LRP2: variants seen among roughly 807,000 people sequenced by gnomAD.
LRP2 encodes low-density lipoprotein receptor-related protein 2.
Under a neutral mutation model 531.0 loss-of-function variants are expected in LRP2, and 172 were observed. That is an observed-to-expected ratio of 0.32 (90% confidence interval 0.29 to 0.37). LRP2 has a LOEUF of 0.37. Among genes scored for constraint, LRP2 ranks in the 10% least tolerant of loss-of-function variants. The pLI, the probability that LRP2 is intolerant of heterozygous loss-of-function variation, is 1.00. For missense variants in LRP2, 5,167 were observed against 5,868.3 expected (o/e 0.88, Z 3.90); for synonymous variants, 1,992 against 2,027.6 (o/e 0.98, Z 0.47).
chr2:169,313,038 T>G (rs1684659544), intron 3 of LRP2, among the ~76,000 whole-genome samples: 1 of 152,226 alleles, frequency 6.6e-6, no homozygotes, highest in Admixed American at 6.5e-5. Context: ...TCTCATGCCA[T>G]GGTTTTCAGC....
In LRP2 at chr2:169,361,358, C is replaced by CTG. The variant is rs762734016; in HGVS notation, c.79+962_79+963insCA. On this transcript the variant is annotated intron_variant, in intron 1 of 78. Coordinates refer to ENST00000649046, the MANE Select transcript of LRP2 (RefSeq NM_004525.3). ...TCTCTCTGTCTCTCTCTGTCTCTCT[C>CTG]TCTCTCTCTCTCTCTCTCCCTCTCT... Among the ~76,000 whole-genome samples the CTG allele has an allele frequency of 3.2e-3, 411 of 127,442 alleles. 2 individuals are homozygous for CTG. The highest frequency in any genetic ancestry group is 0.022 in the Middle Eastern group (6 of 274). 83.6% of individuals were successfully genotyped at this position (127,442 alleles called of 152,430 possible).
intron 1 of LRP2, among the ~76,000 whole-genome samples, chr2:169,338,388 G>GAAAGAAAGAAAGAA (rs1559082644): frequency 8.2e-6 from 1 of 122,112 alleles, no homozygotes; most frequent in African/African-American, 3.2e-5. Flanking sequence ...AAGAAAGAAA[G>GAAAGAAAGAAAGAA]AAAGAAAGAA....
Position 169,212,130 on chromosome 2 carries a change from ATCC to A in LRP2, c.6115_6117del (p.Gly2039del). 1 of 1,614,054 alleles carries A rather than the reference ATCC, an allele frequency of 6.2e-7. No homozygotes were observed. Among genetic ancestry groups the A allele is most frequent in the African/African-American group, 1.3e-5 (1 of 75,042 alleles). ...CCAGTGGCACAGGCGCAGGAAAACA[ATCC>A]TCCTGGTACAGGCAGGCAAATCTGC... On this transcript the variant is annotated inframe_deletion, in exon 37 of 79. Transcript: ENST00000649046.
rs111708117 is a variant in LRP2 at position 169,292,354 on chromosome 2, C to T, written c.668G>A (p.Gly223Asp). ...ACTGGGGCAAGTGAACTGGTAACCA[C>T]CGCAGGTCGGATAGTCTGGAATAAA... ...DEHACNYPTC[G>D]GYQFTCPSGR... The change falls in exon 7 of 79, where the codon GGT (glycine) becomes GAT (aspartate). Residue 223 changes from glycine (G) to aspartate (D), a missense_variant. Gly to Asp is a moderately conservative substitution (Grantham distance 94). Transcript: ENST00000649046. The T allele has an allele frequency of 2.5e-6, 4 of 1,613,218 alleles. No individual in the cohort carries two copies. The South Asian group carries it at 3.3e-5, about 13-fold the overall frequency.
At position 169,152,915 on chromosome 2, in the gene LRP2, G is replaced by A. The variant is rs750159019; in HGVS notation, c.12345C>T (p.Ile4115=). Residue 4115 remains isoleucine (I), a synonymous_variant, in exon 67 of 79, where the codon ATC becomes ATT. Coordinates refer to ENST00000649046, the MANE Select transcript of LRP2 (RefSeq NM_004525.3). ...VRGEGSRFGA[I]KRAYIPNFES... is the part of the protein sequence containing the mutation. ...CAAAGTTGGGGATGTAGGCACGTTT[G>A]ATAGCACCAAACCTAGAGCCCTCCC... 5 of 1,613,938 alleles carry A rather than the reference G, an allele frequency of 3.1e-6. No individual in the cohort carries two copies. The East Asian group carries it at 8.9e-5, about 29-fold the overall frequency.
chr2:169,167,899 G>C (rs1686840934), intron 61 of LRP2, among the ~76,000 whole-genome samples: 1 of 151,122 alleles, frequency 6.6e-6, no homozygotes, highest in African/African-American at 2.4e-5. Flanking sequence ...CATTCTTGGA[G>C]ATTCTGCTCC....
chr2:169,284,263 T>TTC (rs1489029376), intron 9 of LRP2, among the ~76,000 whole-genome samples: 2 of 124,096 alleles, frequency 1.6e-5, no homozygotes, highest in Non-Finnish European at 1.7e-5. Flanking sequence ...TTTCTTTTTT[T>TTC]TTTTTTTTTT....
At chr2:169,345,751 G>T (rs1255176731) in intron 1 of LRP2, among the ~76,000 whole-genome samples, 3 of 117,770 alleles carry the variant, frequency 2.5e-5, no homozygotes, top group Non-Finnish European at 5.1e-5. Context: ...AAGAGGGGGC[G>T]GTCAAAAAAA....
Position 169,238,266 on chromosome 2 carries a change from T to A in LRP2, c.4331A>T (p.Asn1444Ile), listed in dbSNP as rs572411860. 2.5e-6 allele frequency: 4 copies of A among 1,614,170 alleles called. No individual in the cohort carries two copies. The East Asian group carries it at 8.9e-5, about 36-fold the overall frequency. The change falls in exon 27 of 79, where the codon AAC becomes ATC. Residue 1444 changes from asparagine (N) to isoleucine (I), a missense_variant. By Grantham distance (149) the Asn-to-Ile change is moderately radical (BLOSUM62 -3). Coordinates refer to ENST00000649046, the MANE Select transcript of LRP2 (RefSeq NM_004525.3). ...ESLLLLVASQ[N>I]KIIADSVTSQ... ...GGTGACACTGTCGGCAATAATTTTG[T>A]TCTGACTTGCCACAAGTAACAGCAG...
At chr2:169,163,467 T>C (rs1686660934) in intron 62 of LRP2, among the ~76,000 whole-genome samples, 1 of 152,152 alleles carries the variant, frequency 6.6e-6, no homozygotes, top group Non-Finnish European at 1.5e-5. Flanking sequence ...ACCTCCTCAT[T>C]GGATAAAATG....
intron 24 of LRP2, among the ~76,000 whole-genome samples, chr2:169,241,983 C>T (rs1689824042): frequency 1.3e-5 from 2 of 152,188 alleles, no homozygotes; most frequent in African/African-American, 2.4e-5. Context: ...CACAAGGCAA[C>T]AGCAAGCCAG....
At chr2:169,188,665 T>C (rs1432390588) in intron 48 of LRP2, among the ~76,000 whole-genome samples, 1 of 152,228 alleles carries the variant, frequency 6.6e-6, no homozygotes, top group Non-Finnish European at 1.5e-5. Flanking sequence ...AGACAGCTTA[T>C]GAACAGTGGC....
chr2:169,198,902 G>A lies in LRP2; in HGVS notation c.8462C>T (p.Thr2821Ile), dbSNP rs1688093508. 6.2e-7 allele frequency: 1 copy of A among 1,613,388 alleles called. No homozygotes were observed. Among genetic ancestry groups the A allele is most frequent in the Admixed American group, 1.7e-5 (1 of 60,000 alleles). The change falls in exon 45 of 79, where the codon ACT becomes ATT. Residue 2821 changes from threonine (T) to isoleucine (I), a missense_variant. Thr to Ile is a moderately conservative substitution (Grantham distance 89). Transcript: ENST00000649046. ...TSDEKNCPDR[T>I]CQSGYTKCHN... ...ACATTTTGTGTATCCAGACTGGCAA[G>A]TGCGATCAGCTTGAAAAAGACAACC...
chr2:169,131,519 G>A (rs1033280754), intron 77 of LRP2, among the ~76,000 whole-genome samples: 65 of 152,136 alleles, frequency 4.3e-4, no homozygotes, highest in African/African-American at 1.4e-3. Flanking sequence ...ACTACTCTTA[G>A]ACTTTCATTT....
intron 63 of LRP2, among the ~76,000 whole-genome samples, chr2:169,160,868 C>G (rs758019430): frequency 2.0e-5 from 3 of 152,130 alleles, no homozygotes; most frequent in Non-Finnish European, 4.4e-5. Context: ...AACTCCAAGT[C>G]CCACAGAAAA....
chr2:169,283,903 T>C (rs1683771817), intron 9 of LRP2, among the ~76,000 whole-genome samples: 1 of 152,158 alleles, frequency 6.6e-6, no homozygotes, highest in East Asian at 1.9e-4. Context: ...AGAGTCTTTC[T>C]TAAAGACTAT....
At chr2:169,254,401 C>G (rs1479823067) in intron 19 of LRP2, among the ~76,000 whole-genome samples, 2 of 75,422 alleles carry the variant, frequency 2.7e-5, no homozygotes, top group South Asian at 9.4e-4. Flanking sequence ...GAACAAAAAA[C>G]CAAACACTGC....
At chr2:169,268,960 C>T (rs1192493813) in intron 16 of LRP2, among the ~76,000 whole-genome samples, 1 of 151,982 alleles carries the variant, frequency 6.6e-6, no homozygotes, top group Non-Finnish European at 1.5e-5. Context: ...ACACCAATAA[C>T]AGACAAACAG....
chr2:169,180,775 C>A (rs1377557527), intron 52 of LRP2, among the ~76,000 whole-genome samples: 2 of 152,216 alleles, frequency 1.3e-5, no homozygotes, highest in Non-Finnish European at 2.9e-5. Context: ...AATGCTTATG[C>A]AGAAGACAAT....
Sources: allele counts gnomAD v4.1 joint callset (sites outside exome capture counted in the v4.1 genomes callset), GRCh38; gene constraint gnomAD v4.1.1; transcripts MANE v1.5; gene names NCBI Gene and HGNC (gene_info 2026-07-23, HGNC 2026-07-21).